The following MAP2K1 variants were observed in gnomAD, a reference collection of about 807,000 sequenced individuals.
MAP2K1 encodes dual specificity mitogen-activated protein kinase kinase 1.
MAP2K1 carries 16 observed loss-of-function variants against 46.3 expected under a neutral mutation model. The observed-to-expected ratio is 0.35, with a 90% confidence interval of 0.23 to 0.52. The LOEUF (loss-of-function observed/expected upper bound fraction) is 0.52. Ranked by LOEUF, MAP2K1 falls within the 20% of genes least tolerant of loss-of-function variation. The pLI is 0.94. For missense variants in MAP2K1, 263 were observed against 497.1 expected, an observed-to-expected ratio of 0.53 and a Z score of 4.48; for synonymous variants, 183 against 185.6, an observed-to-expected ratio of 0.99 and a Z score of 0.11.
chr15:66,445,330 T>A (rs991387628), intron 5 of MAP2K1, among the ~76,000 whole-genome samples: 3 of 152,106 alleles, frequency 2.0e-5, no homozygotes, highest in African/African-American at 7.2e-5. Flanking sequence ...AGGCGGAGGC[T>A]GTGGTGAGCC....
intron 2 of MAP2K1, among the ~76,000 whole-genome samples, 155 bp downstream of exon 2, chr15:66,435,392 C>T (rs2093485318): frequency 6.7e-6 from 1 of 150,340 alleles, no homozygotes; most frequent in South Asian, 2.1e-4. Flanking sequence ...TCTTGTTGCC[C>T]AGGCTGGTGT....
intron 5 of MAP2K1, among the ~76,000 whole-genome samples, chr15:66,478,242 A>T (rs2140661216): frequency 6.8e-6 from 1 of 146,784 alleles, no homozygotes; most frequent in Non-Finnish European, 1.5e-5. Context: ...GTTTTATTAT[A>T]TATATATATA....
chr15:66,431,694 G>T (rs529303071), intron 1 of MAP2K1, among the ~76,000 whole-genome samples: 148 of 152,088 alleles, frequency 9.7e-4, no homozygotes, highest in Middle Eastern at 3.4e-3. Flanking sequence ...TTATTTTTTT[G>T]TTGTTTTTAT....
chr15:66,448,649 A>G (rs541881138), intron 5 of MAP2K1, among the ~76,000 whole-genome samples: 10 of 152,296 alleles, frequency 6.6e-5, no homozygotes, highest in Admixed American at 5.9e-4. Flanking sequence ...GCTTGTACAT[A>G]TGGTTCAGTT....
At chr15:66,468,352 C>G (rs915757191) in intron 5 of MAP2K1, among the ~76,000 whole-genome samples, 4 of 152,084 alleles carry the variant, frequency 2.6e-5, no homozygotes, top group Non-Finnish European at 5.9e-5. Flanking sequence ...AGCTAAATAG[C>G]TCCTAAATCT....
intron 10 of MAP2K1, chr15:66,489,993 G>C (rs1488434312): frequency 9.9e-6 from 6 of 605,276 alleles, no homozygotes; most frequent in Non-Finnish European, 1.8e-5. Context: ...GGAAATGCCT[G>C]AGGGGGCCAT....
At chr15:66,392,235 T>C (rs1015353911) in intron 1 of MAP2K1, among the ~76,000 whole-genome samples, 8 of 148,406 alleles carry the variant, frequency 5.4e-5, no homozygotes, top group African/African-American at 2.0e-4. Context: ...GAACCACGAA[T>C]ATTTGTGTGT....
At chr15:66,430,304 A>G (rs1256027184) in intron 1 of MAP2K1, among the ~76,000 whole-genome samples, 1 of 151,976 alleles carries the variant, frequency 6.6e-6, no homozygotes, top group Non-Finnish European at 1.5e-5. Context: ...TGGTAAGAAC[A>G]CCCACCTGCA....
intron 5 of MAP2K1, among the ~76,000 whole-genome samples, chr15:66,449,945 C>T (rs572411471): frequency 6.7e-6 from 1 of 148,690 alleles, no homozygotes; most frequent in Admixed American, 6.8e-5. Flanking sequence ...CCACCATGAT[C>T]AAGTGGGCTT....
intron 5 of MAP2K1, among the ~76,000 whole-genome samples, chr15:66,478,879 T>G (rs1161612751): frequency 6.6e-6 from 1 of 152,126 alleles, no homozygotes; most frequent in Admixed American, 6.6e-5. Context: ...TTCATGACAG[T>G]GGGGGACTTG....
At chr15:66,414,705 G>A (rs1279720462) in intron 1 of MAP2K1, among the ~76,000 whole-genome samples, 3 of 151,782 alleles carry the variant, frequency 2.0e-5, no homozygotes, top group Non-Finnish European at 4.4e-5. Flanking sequence ...AGGTTAGGCT[G>A]TATTACATGG....
chr15:66,465,110 A>G (rs1191797259), intron 5 of MAP2K1, among the ~76,000 whole-genome samples: 1 of 151,974 alleles, frequency 6.6e-6, no homozygotes, highest in Non-Finnish European at 1.5e-5. Flanking sequence ...CTGTAATCCC[A>G]GCTACTTGGG....
intron 1 of MAP2K1, among the ~76,000 whole-genome samples, chr15:66,421,372 G>C (rs1428721528): frequency 6.6e-6 from 1 of 151,766 alleles, no homozygotes; most frequent in Non-Finnish European, 1.5e-5. Context: ...CTGAGCTCAA[G>C]CGATCCGCTT....
intron 1 of MAP2K1, among the ~76,000 whole-genome samples, chr15:66,391,235 T>C (rs2093355472): frequency 6.6e-6 from 1 of 152,164 alleles, no homozygotes; most frequent in Non-Finnish European, 1.5e-5. Context: ...TAATTTTTCA[T>C]TGGGGTGTTC....
intron 5 of MAP2K1, among the ~76,000 whole-genome samples, chr15:66,469,606 C>G (rs1892563757): frequency 7.0e-6 from 1 of 143,266 alleles, no homozygotes; most frequent in Non-Finnish European, 1.5e-5. Flanking sequence ...AGAATTCTGT[C>G]AACTGAGAAG....
intron 5 of MAP2K1, 81 bp downstream of exon 5, chr15:66,444,788 T>G: frequency 8.4e-7 from 1 of 1,189,898 alleles, no homozygotes; most frequent in Non-Finnish European, 1.2e-6. Context: ...TTTCTATGTT[T>G]TGTTTTCGTG....
At chr15:66,401,609 G>A (rs753325494) in intron 1 of MAP2K1, among the ~76,000 whole-genome samples, 1 of 152,124 alleles carries the variant, frequency 6.6e-6, no homozygotes, top group Non-Finnish European at 1.5e-5. Flanking sequence ...GAGAGTGTAG[G>A]GGGAGATTTT....
chr15:66,489,245 A>C lies in MAP2K1; in HGVS notation c.991A>C (p.Ser331Arg). Residue 331 changes from serine (S) to arginine (R), a missense_variant, in exon 9 of 11, where the codon AGT becomes CGT. Ser to Arg is a moderately radical substitution (Grantham distance 110, BLOSUM62 -1). Transcript: ENST00000307102. ...TCCAAAACTGCCCAGTGGAGTGTTC[A>C]GTCTGGAATTTCAAGATTTTGTGAA... ...PPPKLPSGVF[S>R]LEFQDFVNKC... is the part of the protein sequence containing the mutation. 1.2e-6 allele frequency: 2 copies of C among 1,614,088 alleles called. No homozygotes were observed. The highest frequency in any genetic ancestry group is 1.7e-6 in the Non-Finnish European group (2 of 1,179,978).
intron 5 of MAP2K1, among the ~76,000 whole-genome samples, chr15:66,447,996 T>A (rs574923584): frequency 6.6e-6 from 1 of 151,548 alleles, no homozygotes; most frequent in South Asian, 2.1e-4. Flanking sequence ...CTACTAAAAA[T>A]ACAAAAATTA....
Sources: allele counts gnomAD v4.1 joint callset (sites outside exome capture counted in the v4.1 genomes callset), GRCh38; gene constraint gnomAD v4.1.1; transcripts MANE v1.5; gene names NCBI Gene and HGNC (gene_info 2026-07-23, HGNC 2026-07-21).